Variants in RXRA observed in about 807,000 individuals in gnomAD.
RXRA encodes retinoic acid receptor RXR-alpha.
RXRA carries 5 observed loss-of-function variants against 44.5 expected under a neutral mutation model. That is an observed-to-expected ratio of 0.11 (90% confidence interval 0.06 to 0.24). The LOEUF (loss-of-function observed/expected upper bound fraction) is 0.24. RXRA is among the 10% of genes least tolerant of loss of function. The probability of loss-of-function intolerance (pLI) is 1.00; values close to 1 mark genes in which losing one functional copy is unlikely to be tolerated. For missense variants in RXRA, 412 were observed against 646.5 expected (o/e 0.64, Z 3.93); for synonymous variants, 291 against 271.4 (o/e 1.07, Z -0.71).
Position 134,426,125 on chromosome 9 carries a change from G to A in RXRA, c.911-2983G>A. On this transcript the variant is annotated intron_variant, in intron 6 of 9. Transcript: ENST00000481739. This position sits in a 1 kb window ranked among gnomAD's most constrained non-coding sequence, Gnocchi z 4.6. The stretch of plus-strand genomic sequence containing the variant: ...CCAGCCTCTTGAGTTGGAGGACATA[G>A]TGACCAAGGGAGCAGCCCCAGGCAA... 5.1e-6 allele frequency: 5 copies of A among 985,432 alleles called. No homozygotes were observed. Among genetic ancestry groups the A allele is most frequent in the Non-Finnish European group, 6.0e-6 (5 of 829,926 alleles). The allele number at this position is 985,432 out of a possible 1,614,324, so 61.0% of individuals were successfully genotyped here. A position where few individuals can be genotyped will look rare whatever the true frequency, so the allele number is the denominator to read the frequency against.
chr9:134,402,178 T>TG, intron 2 of RXRA: 2 of 470,274 alleles, frequency 4.3e-6, no homozygotes, highest in African/African-American at 2.0e-5. Flanking sequence ...TTCCCATGAC[T>TG]GGGGGACTCA....
intron 5 of RXRA, among the ~76,000 whole-genome samples, chr9:134,418,473 C>T (rs1588300519): frequency 6.6e-6 from 1 of 152,150 alleles, no homozygotes; most frequent in Admixed American, 6.5e-5. Context: ...CAACCTCTGT[C>T]CCTCTGTGGG....
chr9:134,402,178 T>C, intron 2 of RXRA: 1 of 470,274 alleles, frequency 2.1e-6, no homozygotes. Context: ...TTCCCATGAC[T>C]GGGGGACTCA....
chr9:134,339,568 G>T (rs1554747811), intron 1 of RXRA, among the ~76,000 whole-genome samples: 2 of 140,612 alleles, frequency 1.4e-5, no homozygotes, highest in Non-Finnish European at 3.1e-5. Context: ...CATACCCATG[G>T]CCTTTTGTGA....
chr9:134,394,747 C>T (rs190965885), intron 1 of RXRA, among the ~76,000 whole-genome samples: 91 of 152,308 alleles, frequency 6.0e-4, no homozygotes, highest in African/African-American at 1.9e-3. Context: ...CTCCCAGTCT[C>T]CCCTTGTGCC....
At chr9:134,391,960 C>A (rs1830806751) in intron 1 of RXRA, among the ~76,000 whole-genome samples, 1 of 152,226 alleles carries the variant, frequency 6.6e-6, no homozygotes, top group South Asian at 2.1e-4. Flanking sequence ...GAAATGTTGG[C>A]CTGGCGTGCA....
At chr9:134,432,057 GCCT>G in intron 8 of RXRA, 61 bp downstream of exon 8, 1 of 1,331,764 alleles carries the variant, frequency 7.5e-7, no homozygotes, top group Admixed American at 1.8e-5. Context: ...AGGTGCCTGG[GCCT>G]CCTCCTGGCT....
chr9:134,372,668 C>T (rs1830505196), intron 1 of RXRA, among the ~76,000 whole-genome samples: 1 of 152,192 alleles, frequency 6.6e-6, no homozygotes, highest in South Asian at 2.1e-4. Flanking sequence ...CCTTGGGGCC[C>T]CCAGCAGGCA....
intron 4 of RXRA, among the ~76,000 whole-genome samples, chr9:134,412,573 C>T (rs952719327): frequency 5.9e-5 from 9 of 152,178 alleles, no homozygotes; most frequent in East Asian, 1.9e-4. Context: ...GGCCTGCACG[C>T]GCAGGCAGCC....
At chr9:134,416,459 T>C (rs76946346) in intron 4 of RXRA, among the ~76,000 whole-genome samples, 30 of 152,150 alleles carry the variant, frequency 2.0e-4, no homozygotes, top group Admixed American at 1.9e-3. Flanking sequence ...CTGGGACAGA[T>C]TGAAAGGCAT....
At chr9:134,390,426 G>A (rs1830782875) in intron 1 of RXRA, among the ~76,000 whole-genome samples, 1 of 152,226 alleles carries the variant, frequency 6.6e-6, no homozygotes, top group Non-Finnish European at 1.5e-5. Flanking sequence ...TGGGACAGTG[G>A]GTGGGGGGCC....
intron 9 of RXRA, among the ~76,000 whole-genome samples, chr9:134,435,305 A>G (rs1261485126): frequency 6.6e-6 from 1 of 152,120 alleles, no homozygotes; most frequent in Non-Finnish European, 1.5e-5. Context: ...TTCCGTCCCC[A>G]TAGCACCCTG....
At chr9:134,364,022 T>G (rs1830385186) in intron 1 of RXRA, among the ~76,000 whole-genome samples, 1 of 152,222 alleles carries the variant, frequency 6.6e-6, no homozygotes, top group Non-Finnish European at 1.5e-5. Flanking sequence ...TTGCCCCTCC[T>G]TCAGCCCATG....
chr9:134,362,875 G>A (rs1023381246), intron 1 of RXRA, among the ~76,000 whole-genome samples: 5 of 152,242 alleles, frequency 3.3e-5, no homozygotes, highest in African/African-American at 7.2e-5. Context: ...CCCCATGCCC[G>A]GGTCTGCACC....
chr9:134,377,298 A>G (rs1352339476), intron 1 of RXRA, among the ~76,000 whole-genome samples: 2 of 152,210 alleles, frequency 1.3e-5, no homozygotes, highest in Non-Finnish European at 1.5e-5. Flanking sequence ...CCTGGGCCAC[A>G]TGCTGTCCCA....
At chr9:134,386,563 C>T (rs377592369) in intron 1 of RXRA, among the ~76,000 whole-genome samples, 3 of 152,316 alleles carry the variant, frequency 2.0e-5, no homozygotes, top group South Asian at 2.1e-4. Context: ...CACCCCGCTC[C>T]GTGGAGCATG....
At chr9:134,414,736 C>T (rs1010088112) in intron 4 of RXRA, among the ~76,000 whole-genome samples, 1 of 152,240 alleles carries the variant, frequency 6.6e-6, no homozygotes, top group Non-Finnish European at 1.5e-5. Flanking sequence ...CCTTGCTGCC[C>T]ATCCTTAGGG....
intron 1 of RXRA, among the ~76,000 whole-genome samples, chr9:134,377,947 G>A (rs1830583092): frequency 6.6e-6 from 1 of 152,236 alleles, no homozygotes; most frequent in South Asian, 2.1e-4. Flanking sequence ...ATCCAGGTGT[G>A]TGCGGAAGGG....
intron 1 of RXRA, among the ~76,000 whole-genome samples, chr9:134,389,310 G>A (rs1172585583): frequency 1.3e-5 from 2 of 152,196 alleles, no homozygotes; most frequent in East Asian, 1.9e-4. Context: ...GGGGTTGCTC[G>A]TGGGATCCAG....
Sources: gnomAD v4.1 joint callset for allele counts (sites outside exome capture counted in the v4.1 genomes callset) on GRCh38, gnomAD v4.1.1 for gene constraint, Gnocchi (gnomAD v3.1) non-coding constraint, MANE v1.5 for transcripts, NCBI Gene and HGNC (gene_info 2026-07-23, HGNC 2026-07-21) for gene names.